The following NEK10 variants were observed in gnomAD, a reference collection of about 807,000 sequenced individuals.
The protein encoded by NEK10 is serine/threonine-protein kinase Nek10.
NEK10 carries 122 observed loss-of-function variants against 159.8 expected under a neutral mutation model. That is an observed-to-expected ratio of 0.76 (90% CI 0.66 to 0.89). The LOEUF is 0.89. Ranked by LOEUF, NEK10 falls within the 40% of genes least tolerant of loss-of-function variation. The pLI is 0.00. For synonymous variants in NEK10, 466 were observed against 457.1 expected (o/e 1.02, Z -0.25); for missense variants, 1,342 against 1,323.1 (o/e 1.01, Z -0.22).
At chr3:27,312,569 GT>G (rs2044788932) in intron 7 of NEK10, among the ~76,000 whole-genome samples, 1 of 151,892 alleles carries the variant, frequency 6.6e-6, no homozygotes, top group Admixed American at 6.6e-5. Flanking sequence ...ATAATACATT[GT>G]ATATATTTTA....
chr3:27,285,041 G>T, intron 20 of NEK10, 80 bp from the exon 21 acceptor site: 1 of 1,066,232 alleles, frequency 9.4e-7, no homozygotes, highest in Non-Finnish European at 1.3e-6. Context: ...GAGAGTTCAA[G>T]CTTCCCAGTG....
intron 12 of NEK10, among the ~76,000 whole-genome samples, chr3:27,302,072 T>C (rs894526449): frequency 6.6e-6 from 1 of 152,202 alleles, no homozygotes; most frequent in African/African-American, 2.4e-5. Flanking sequence ...CTGCTCTACA[T>C]GGCCACCTTT....
intron 22 of NEK10, 121 bp downstream of exon 22, chr3:27,284,481 T>C (rs1218450520): frequency 3.3e-6 from 2 of 607,780 alleles, no homozygotes; most frequent in Non-Finnish European, 5.9e-6. Context: ...TAGTGGCTAC[T>C]GTATTGGACA....
In NEK10 at chr3:27,174,423, A is replaced by G. The variant is rs1227592106; in HGVS notation, c.2776+16T>C. On this transcript the variant is annotated intron_variant, in intron 28 of 35. Coordinates refer to ENST00000691995, the MANE Select transcript of NEK10 (RefSeq NM_001394966.1). ...CCGGAATCCCACAAACAGCAAATTGATAACAGAAAGCTTACTGAATGTAGA... is the reference window on the plus strand; with the variant it reads ...CCGGAATCCCACAAACAGCAAATTGGTAACAGAAAGCTTACTGAATGTAGA... The G allele has an allele frequency of 6.2e-7, 1 of 1,607,068 alleles. No homozygotes were observed. Among genetic ancestry groups the G allele is most frequent in the Non-Finnish European group, 8.5e-7 (1 of 1,178,990 alleles).
chr3:27,338,935 G>C (rs893322072), intron 5 of NEK10, among the ~76,000 whole-genome samples: 1 of 152,062 alleles, frequency 6.6e-6, no homozygotes, highest in African/African-American at 2.4e-5. Flanking sequence ...AACAAAAATA[G>C]ACAAATAGAA....
At chr3:27,324,628 C>T (rs1306623933) in intron 5 of NEK10, among the ~76,000 whole-genome samples, 1 of 152,148 alleles carries the variant, frequency 6.6e-6, no homozygotes, top group Non-Finnish European at 1.5e-5. Context: ...CCACCACCAT[C>T]TTTTGCTTGA....
chr3:27,254,368 G>T (rs538944151), intron 23 of NEK10, among the ~76,000 whole-genome samples: 5 of 152,224 alleles, frequency 3.3e-5, no homozygotes, highest in African/African-American at 7.2e-5. Flanking sequence ...TGTACTGGCT[G>T]CTTTCCCTCC....
chr3:27,307,458 G>C (rs1213890416), intron 11 of NEK10, among the ~76,000 whole-genome samples: 2 of 152,088 alleles, frequency 1.3e-5, no homozygotes, highest in Non-Finnish European at 2.9e-5. Flanking sequence ...CAAGTCAGTT[G>C]CTATCTTATT....
chr3:27,113,335 G>A (rs563023991), intron 35 of NEK10, among the ~76,000 whole-genome samples: 7 of 151,042 alleles, frequency 4.6e-5, no homozygotes, highest in Middle Eastern at 3.5e-3. Flanking sequence ...GGAGGCTGAG[G>A]CAGGAGAATC....
chr3:27,238,915 A>G (rs1954261870), intron 23 of NEK10, among the ~76,000 whole-genome samples: 1 of 152,010 alleles, frequency 6.6e-6, no homozygotes, highest in Non-Finnish European at 1.5e-5. Flanking sequence ...TACCCTCTAG[A>G]GGTTTCCCAT....
Position 27,111,237 on chromosome 3 carries a change from C to T in NEK10, c.*35G>A. ...GCTGAAGTCCAGAACTTGAACTTCA[C>T]TGAGAAAATCAAGTCCACTCAAAAT... On this transcript the variant is annotated 3_prime_UTR_variant, in exon 36 of 36. Coordinates refer to ENST00000691995, the MANE Select transcript of NEK10 (RefSeq NM_001394966.1). The T allele has an allele frequency of 6.3e-7, 1 of 1,599,772 alleles. No homozygotes were observed. The highest frequency in any genetic ancestry group is 1.1e-5 in the South Asian group (1 of 90,050).
At chr3:27,254,981 A>T (rs1198455670) in intron 23 of NEK10, 1 of 159,796 alleles carries the variant, frequency 6.3e-6, no homozygotes, top group African/African-American at 2.4e-5. Context: ...AGCAATTCTA[A>T]ACTTAATTCA....
chr3:27,273,031 G>A (rs1353125126), intron 22 of NEK10, among the ~76,000 whole-genome samples: 1 of 152,190 alleles, frequency 6.6e-6, no homozygotes, highest in Non-Finnish European at 1.5e-5. Flanking sequence ...TGGTGACTGG[G>A]TTAACATCTG....
At chr3:27,194,772 A>C (rs1324964892) in intron 25 of NEK10, 5 of 152,238 alleles carry the variant, frequency 3.3e-5, no homozygotes, top group Admixed American at 3.3e-4. Context: ...AGAAAGAAAA[A>C]TAAGGCAATG....
intron 32 of NEK10, 98 bp from the exon 33 acceptor site, chr3:27,119,966 C>G: frequency 1.2e-6 from 1 of 817,898 alleles, no homozygotes; most frequent in Non-Finnish European, 2.1e-6. Flanking sequence ...TGTCTCTGCA[C>G]AGAAAATTTA....
chr3:27,136,018 T>C (rs1943154396), intron 31 of NEK10, among the ~76,000 whole-genome samples: 1 of 152,188 alleles, frequency 6.6e-6, no homozygotes. Flanking sequence ...ACTACATTTT[T>C]TTCCATTGGC....
At chr3:27,361,889 G>A (rs2048709085) in intron 1 of NEK10, among the ~76,000 whole-genome samples, 1 of 104,880 alleles carries the variant, frequency 9.5e-6, no homozygotes, top group Admixed American at 9.6e-5. Flanking sequence ...CAAGACCACT[G>A]GGCACTACAA....
chr3:27,131,435 T>C (rs1942611833), intron 32 of NEK10, among the ~76,000 whole-genome samples: 1 of 152,178 alleles, frequency 6.6e-6, no homozygotes, highest in African/African-American at 2.4e-5. Context: ...TAGAAGATTG[T>C]AGACTATCTA....
intron 20 of NEK10, among the ~76,000 whole-genome samples, chr3:27,285,956 A>G (rs9825367): frequency 0.013 from 1,959 of 151,726 alleles, 27 homozygotes; most frequent in East Asian, 0.063. Flanking sequence ...TTCAAGAAAT[A>G]TTCATTTATG....
Sources: allele counts gnomAD v4.1 joint callset (sites outside exome capture counted in the v4.1 genomes callset), GRCh38; gene constraint gnomAD v4.1.1; transcripts MANE v1.5; gene names NCBI Gene and HGNC (gene_info 2026-07-23, HGNC 2026-07-21).